PIK3C2G: variants seen among roughly 807,000 people sequenced by gnomAD.
The protein encoded by PIK3C2G is phosphatidylinositol-4-phosphate 3-kinase catalytic subunit type 2 gamma, also known as phosphatidylinositol 3-kinase C2 domain-containing subunit gamma.
A neutral mutation model predicts 181.1 loss-of-function variants in PIK3C2G; 168 were observed. That is an observed-to-expected ratio of 0.93 (90% CI 0.82 to 1.05). PIK3C2G has a LOEUF of 1.05. PIK3C2G is among the 50% of genes least tolerant of loss of function. The pLI, the probability that PIK3C2G is intolerant of heterozygous loss-of-function variation, is 0.00. For missense variants in PIK3C2G, 1,869 were observed against 1,732.8 expected (o/e 1.08, Z -1.40); for synonymous variants, 573 against 592.2 (o/e 0.97, Z 0.47).
intron 18 of PIK3C2G, among the ~76,000 whole-genome samples, chr12:18,446,417 C>T (rs543981655): frequency 6.6e-6 from 1 of 152,184 alleles, no homozygotes; most frequent in African/African-American, 2.4e-5. Flanking sequence ...AACTGTGGGA[C>T]TCTCCTTCAT....
At chr12:18,320,877 T>C (rs1951079210) in intron 6 of PIK3C2G, 85 bp from the exon 7 acceptor site, 1 of 724,288 alleles carries the variant, frequency 1.4e-6, no homozygotes, top group South Asian at 1.7e-5. Context: ...GTGAATAAAA[T>C]GACAGCAGGA....
chr12:18,514,058 T>G (rs2136152865), intron 24 of PIK3C2G, among the ~76,000 whole-genome samples: 1 of 151,990 alleles, frequency 6.6e-6, no homozygotes, highest in Middle Eastern at 3.4e-3. Context: ...TTTTTATTTT[T>G]GTCTCCATGT....
chr12:18,694,721 TAAAATTAC>T, the PIK3C2G span, among the ~76,000 whole-genome samples: 2 of 152,258 alleles, frequency 1.3e-5, no homozygotes, highest in South Asian at 4.1e-4. Context: ...ATCATTCATG[TAAAATTAC>T]AACAGGAAGA....
At chr12:18,310,478 G>T (rs1228428931) in intron 5 of PIK3C2G, among the ~76,000 whole-genome samples, 2 of 151,836 alleles carry the variant, frequency 1.3e-5, no homozygotes, top group Non-Finnish European at 2.9e-5. Flanking sequence ...AGTGATAAAA[G>T]AATCTGGAGC....
At chr12:18,311,514 C>G (rs1017778114) in intron 5 of PIK3C2G, among the ~76,000 whole-genome samples, 14 of 143,656 alleles carry the variant, frequency 9.7e-5, no homozygotes, top group Admixed American at 5.8e-4. Flanking sequence ...ATATATACAC[C>G]TATATGGTAT....
In PIK3C2G at chr12:18,346,683, A is replaced by G. The variant is rs754823395; in HGVS notation, c.1472A>G (p.Tyr491Cys). Residue 491 changes from tyrosine to cysteine, a missense_variant, in exon 11 of 33, where the codon TAC becomes TGC. Tyr to Cys is a radical substitution (Grantham distance 194). Transcript: ENST00000538779. ...KVTTELSTSI[Y>C]QLINVYCNSF... ...ACAACTGAACTATCCACATCCATCT[A>G]CCAGCTAATCAATGTCTACTGTAAC... 1.5e-5 allele frequency: 24 copies of G among 1,613,156 alleles called. No homozygotes were observed. The Middle Eastern group carries it at 8.2e-4, about 55-fold the overall frequency.
At chr12:18,367,286 T>C (rs1439778549) in intron 12 of PIK3C2G, among the ~76,000 whole-genome samples, 1 of 152,168 alleles carries the variant, frequency 6.6e-6, no homozygotes, top group Non-Finnish European at 1.5e-5. Flanking sequence ...GAGAAATATG[T>C]CCATACTACC....
intron 20 of PIK3C2G, 100 bp downstream of exon 20, chr12:18,491,658 A>G (rs912120944): frequency 1.5e-6 from 1 of 651,850 alleles, no homozygotes; most frequent in African/African-American, 1.8e-5. Flanking sequence ...GTAAGTTGAC[A>G]CTGCAATTAT....
chr12:18,315,812 C>G (rs1022172235), intron 6 of PIK3C2G, among the ~76,000 whole-genome samples: 1 of 152,002 alleles, frequency 6.6e-6, no homozygotes, highest in African/African-American at 2.4e-5. Flanking sequence ...GAAATATACT[C>G]AGAATTTGCA....
At chr12:18,658,226 T>A in the PIK3C2G span, among the ~76,000 whole-genome samples, 1 of 152,124 alleles carries the variant, frequency 6.6e-6, no homozygotes, top group Non-Finnish European at 1.5e-5. Flanking sequence ...AACATTTGCA[T>A]ATTAGGCATC....
At chr12:18,391,323 T>C in intron 15 of PIK3C2G, 71 bp downstream of exon 15, 1 of 1,186,508 alleles carries the variant, frequency 8.4e-7, no homozygotes, top group Non-Finnish European at 1.1e-6. Flanking sequence ...TCTTGAAGCA[T>C]GATAGCTTCA....
the PIK3C2G span, among the ~76,000 whole-genome samples, chr12:18,708,908 A>G: frequency 6.6e-6 from 1 of 151,712 alleles, no homozygotes; most frequent in Non-Finnish European, 1.5e-5. Context: ...TTTGGATATT[A>G]CTCCCTTATC....
chr12:18,261,113 C>G (rs747651251), upstream of PIK3C2G, among the ~76,000 whole-genome samples: 6 of 152,098 alleles, frequency 3.9e-5, no homozygotes, highest in Non-Finnish European at 7.4e-5. Flanking sequence ...GGCTAGAATA[C>G]CTTTTTCAAG....
chr12:18,690,914 T>C, the PIK3C2G span, among the ~76,000 whole-genome samples: 8 of 152,044 alleles, frequency 5.3e-5, no homozygotes, highest in African/African-American at 1.9e-4. Flanking sequence ...CTGACTAAGA[T>C]AGTAGTCAAG....
intron 24 of PIK3C2G, among the ~76,000 whole-genome samples, chr12:18,528,189 A>C (rs911750602): frequency 4.6e-5 from 7 of 152,110 alleles, no homozygotes; most frequent in African/African-American, 1.4e-4. Flanking sequence ...TAACTCATGG[A>C]TATTAGACAA....
At chr12:18,427,376 G>C (rs531154895) in intron 18 of PIK3C2G, among the ~76,000 whole-genome samples, 1 of 150,678 alleles carries the variant, frequency 6.6e-6, no homozygotes, top group African/African-American at 2.4e-5. Flanking sequence ...GCCTGGTGGC[G>C]GGCGCCTGTA....
intron 29 of PIK3C2G, among the ~76,000 whole-genome samples, chr12:18,585,402 A>G (rs544355900): frequency 1.6e-4 from 24 of 152,224 alleles, no homozygotes; most frequent in African/African-American, 5.8e-4. Flanking sequence ...CTAATTTCCA[A>G]CAAAACAGAC....
chr12:18,516,402 ATTCT>A, intron 24 of PIK3C2G, among the ~76,000 whole-genome samples: 1 of 151,764 alleles, frequency 6.6e-6, no homozygotes. Flanking sequence ...TGCTTTCAGC[ATTCT>A]TTCTTTGTCT....
rs537850873 is a variant in PIK3C2G, at chr12:18,307,442, G to T, written c.1035-6520G>T. Among the ~76,000 whole-genome samples the T allele has an allele frequency of 2.6e-5, 4 of 151,904 alleles. No individual in the cohort carries two copies. The South Asian group carries it at 8.3e-4, about 32-fold the overall frequency. On this transcript the variant is annotated intron_variant, in intron 5 of 32. Coordinates refer to ENST00000538779, the MANE Select transcript of PIK3C2G (RefSeq NM_001288772.2). ...ATTTAACAGCTGAAGTTTTATAGAT[G>T]ATTATTAAATAAAACATAGGTAGTG... is the stretch of plus-strand genomic sequence containing the variant.
Sources: allele counts gnomAD v4.1 joint callset (sites outside exome capture counted in the v4.1 genomes callset), GRCh38; gene constraint gnomAD v4.1.1; transcripts MANE v1.5; gene names NCBI Gene and HGNC (gene_info 2026-07-23, HGNC 2026-07-21).